Variants in PEBP4 observed in about 807,000 individuals in gnomAD.
PEBP4 encodes the protein phosphatidylethanolamine binding protein 4, also known as phosphatidylethanolamine-binding protein 4.
A neutral mutation model predicts 23.9 loss-of-function variants in PEBP4; 22 were observed. That is an observed-to-expected ratio of 0.92 (90% CI 0.66 to 1.31). The LOEUF (loss-of-function observed/expected upper bound fraction) is 1.31. Ranked by LOEUF, PEBP4 falls within the 40% of genes most tolerant of loss-of-function variation. PEBP4 has a pLI of 0.00. For synonymous variants in PEBP4, 112 were observed against 99.3 expected (o/e 1.13, Z -0.76); for missense variants, 324 against 281.7 (o/e 1.15, Z -1.07).
intron 4 of PEBP4, among the ~76,000 whole-genome samples, chr8:22,776,594 C>T (rs1337653012): frequency 6.6e-6 from 1 of 151,924 alleles, no homozygotes; most frequent in Non-Finnish European, 1.5e-5. Context: ...CGAGTCCTCT[C>T]TGCATTTTTG....
intron 4 of PEBP4, among the ~76,000 whole-genome samples, chr8:22,777,308 G>A (rs1805832827): frequency 6.6e-6 from 1 of 152,172 alleles, no homozygotes; most frequent in South Asian, 2.1e-4. Context: ...AGAGGAGGGT[G>A]TGGCTACCCC....
chr8:22,734,445 A>G (rs1311992717), intron 4 of PEBP4, among the ~76,000 whole-genome samples: 1 of 152,132 alleles, frequency 6.6e-6, no homozygotes, highest in Non-Finnish European at 1.5e-5. Flanking sequence ...AGGATGGCCA[A>G]TTATTTTGTG....
chr8:22,795,163 A>ATATATT (rs1563218555), intron 4 of PEBP4, among the ~76,000 whole-genome samples: 2 of 47,344 alleles, frequency 4.2e-5, no homozygotes, highest in African/African-American at 1.0e-4. Context: ...ATATATATAT[A>ATATATT]TTTTTTTTTT....
chr8:22,778,020 G>A (rs995156798), intron 4 of PEBP4, among the ~76,000 whole-genome samples: 2 of 152,090 alleles, frequency 1.3e-5, no homozygotes, highest in East Asian at 1.9e-4. Flanking sequence ...GTCCCACAAC[G>A]ATGGGACCCG....
At chr8:22,767,626 G>T (rs1805636454) in intron 4 of PEBP4, among the ~76,000 whole-genome samples, 1 of 151,952 alleles carries the variant, frequency 6.6e-6, no homozygotes, top group African/African-American at 2.4e-5. Context: ...GGATGGGGAG[G>T]AGGTGTGTGG....
chr8:22,899,791 G>C (rs1418757527), intron 3 of PEBP4, among the ~76,000 whole-genome samples: 1 of 152,174 alleles, frequency 6.6e-6, no homozygotes, highest in Non-Finnish European at 1.5e-5. Flanking sequence ...ATTTTTCAAA[G>C]AGCTTTTGTG....
chr8:22,796,954 TAAA>T (rs200145645), intron 4 of PEBP4, among the ~76,000 whole-genome samples: 35 of 142,680 alleles, frequency 2.5e-4, no homozygotes, highest in African/African-American at 8.1e-4. Context: ...AAATAAAAAT[TAAA>T]AAAAAAAAAA....
At chr8:22,730,312 G>A (rs932954705) in intron 4 of PEBP4, among the ~76,000 whole-genome samples, 12 of 152,186 alleles carry the variant, frequency 7.9e-5, no homozygotes, top group African/African-American at 2.9e-4. Context: ...TGAGGCGGGT[G>A]GATTGCTTGA....
intron 4 of PEBP4, among the ~76,000 whole-genome samples, chr8:22,741,826 C>T (rs1432580011): frequency 1.3e-5 from 2 of 152,228 alleles, no homozygotes; most frequent in African/African-American, 4.8e-5. Context: ...GGGAACATCG[C>T]CTGTTTCAGA....
At chr8:22,786,236 G>A (rs181363209) in intron 4 of PEBP4, among the ~76,000 whole-genome samples, 6 of 152,140 alleles carry the variant, frequency 3.9e-5, no homozygotes, top group African/African-American at 1.4e-4. Flanking sequence ...TTCCTTGGTT[G>A]GGACCTCTGG....
At chr8:22,826,970 C>A (rs1013464714) in intron 3 of PEBP4, among the ~76,000 whole-genome samples, 2 of 152,192 alleles carry the variant, frequency 1.3e-5, no homozygotes, top group East Asian at 3.8e-4. Flanking sequence ...GTCTCTAGTT[C>A]TCTTTCACTG....
At chr8:22,870,217 C>T (rs1179685678) in intron 3 of PEBP4, among the ~76,000 whole-genome samples, 2 of 152,170 alleles carry the variant, frequency 1.3e-5, no homozygotes, top group Admixed American at 6.5e-5. Flanking sequence ...GTTAAATGCA[C>T]CATGGCACAT....
chr8:22,861,870 C>CA (rs1239132608), intron 3 of PEBP4, among the ~76,000 whole-genome samples: 4 of 152,284 alleles, frequency 2.6e-5, no homozygotes, highest in South Asian at 2.1e-4. Context: ...AACCTAGTCT[C>CA]AATCTTGCGC....
chr8:22,904,579 G>T (rs1808773208), intron 3 of PEBP4, among the ~76,000 whole-genome samples: 2 of 152,112 alleles, frequency 1.3e-5, no homozygotes, highest in African/African-American at 4.8e-5. Context: ...GGAAATTACA[G>T]ACAAGTGTAA....
rs190754843 is a variant in PEBP4, at chr8:22,775,139, G to A, written c.357+42498C>T. On this transcript the variant is annotated intron_variant, in intron 4 of 6. Transcript: ENST00000256404. This position sits in a 1 kb window ranked among gnomAD's most constrained non-coding sequence, Gnocchi z 4.8. ...CAGTTTCCCCACCTGTACCATAAGA[G>A]ACGGGCCCCAAGTTCTCTTCTAAGG... Among the ~76,000 whole-genome samples, 3 of 152,322 alleles carry A rather than the reference G, an allele frequency of 2.0e-5. No individual in the cohort carries two copies. Among genetic ancestry groups the A allele is most frequent in the East Asian group, 3.9e-4 (2 of 5,184 alleles).
At chr8:22,810,097 C>T (rs1261868626) in intron 4 of PEBP4, among the ~76,000 whole-genome samples, 1 of 152,236 alleles carries the variant, frequency 6.6e-6, no homozygotes, top group Non-Finnish European at 1.5e-5. Context: ...CTGATTCCGC[C>T]TGGTGGAGTC....
At chr8:22,723,796 C>G (rs1804567174) in intron 6 of PEBP4, among the ~76,000 whole-genome samples, 1 of 152,186 alleles carries the variant, frequency 6.6e-6, no homozygotes, top group African/African-American at 2.4e-5. Context: ...GCCTGGAGCC[C>G]TCTGTGATAG....
intron 4 of PEBP4, among the ~76,000 whole-genome samples, chr8:22,750,516 A>G (rs11781835): frequency 0.49 from 75,098 of 152,156 alleles, 20,258 homozygotes; most frequent in Middle Eastern, 0.63. Context: ...TCCAAAATCA[A>G]GGTGGATGGT....
chr8:22,921,990 CTCTCCCCTT>C (rs1809211957), intron 2 of PEBP4, among the ~76,000 whole-genome samples: 1 of 152,184 alleles, frequency 6.6e-6, no homozygotes, highest in South Asian at 2.1e-4. Context: ...CCCATAACCC[CTCTCCCCTT>C]TTTATCAGAG....
Sources: allele counts gnomAD v4.1 joint callset (sites outside exome capture counted in the v4.1 genomes callset), GRCh38; gene constraint gnomAD v4.1.1; non-coding constraint Gnocchi (gnomAD v3.1); transcripts MANE v1.5; gene names NCBI Gene and HGNC (gene_info 2026-07-23, HGNC 2026-07-21).